The following DLGAP2 variants were observed in gnomAD, a reference collection of about 807,000 sequenced individuals.
The protein encoded by DLGAP2 is disks large-associated protein 2.
In DLGAP2, 26 loss-of-function variants were observed where a neutral mutation model predicts 100.3. The ratio of observed to expected loss-of-function variants is 0.26; its 90% confidence interval spans 0.19 to 0.36. DLGAP2 has a LOEUF of 0.36. Ranked by LOEUF, DLGAP2 falls within the 10% of genes least tolerant of loss-of-function variation. The probability of loss-of-function intolerance (pLI) is 1.00; values close to 1 mark genes in which losing one functional copy is unlikely to be tolerated. For synonymous variants in DLGAP2, 886 were observed against 630.1 expected (o/e 1.41, Z -6.08); for missense variants, 1,858 against 1,453.2 (o/e 1.28, Z -4.53).
intron 3 of DLGAP2, among the ~76,000 whole-genome samples, chr8:1,340,245 TTAAAC>T (rs1446192759): frequency 1.3e-5 from 2 of 152,166 alleles, no homozygotes; most frequent in African/African-American, 4.8e-5. Context: ...TGGGATTTAA[TTAAAC>T]TAAGGAGCTT....
At chr8:1,614,631 C>G (rs1053929520) in intron 6 of DLGAP2, among the ~76,000 whole-genome samples, 3 of 152,230 alleles carry the variant, frequency 2.0e-5, no homozygotes, top group African/African-American at 7.2e-5. Context: ...CAGCCTCTGC[C>G]TCTGCAGTGC....
intron 2 of DLGAP2, among the ~76,000 whole-genome samples, chr8:1,103,055 C>T (rs2129044091): frequency 6.6e-6 from 1 of 151,654 alleles, no homozygotes; most frequent in South Asian, 2.1e-4. Flanking sequence ...TCTGGAGTCT[C>T]TGTGGTTTTC....
intron 5 of DLGAP2, among the ~76,000 whole-genome samples, chr8:1,553,898 A>T (rs1801867488): frequency 2.6e-5 from 4 of 152,230 alleles, no homozygotes; most frequent in Admixed American, 2.6e-4. Context: ...CCAGGTCAAC[A>T]GGTCATCCTT....
chr8:1,570,334 C>G (rs972032172), intron 6 of DLGAP2, among the ~76,000 whole-genome samples: 3 of 152,274 alleles, frequency 2.0e-5, no homozygotes, highest in African/African-American at 7.2e-5. Context: ...GATGTCGTCT[C>G]TGCATCCTGT....
chr8:1,332,469 A>ATG (rs1162010184), intron 3 of DLGAP2, among the ~76,000 whole-genome samples: 1 of 151,842 alleles, frequency 6.6e-6, no homozygotes, highest in African/African-American at 2.4e-5. Flanking sequence ...GAGTATATGC[A>ATG]TGTGTGTGTG....
At chr8:1,371,585 T>C (rs1460282121) in intron 3 of DLGAP2, among the ~76,000 whole-genome samples, 1 of 152,238 alleles carries the variant, frequency 6.6e-6, no homozygotes, top group Non-Finnish European at 1.5e-5. Flanking sequence ...CGTGACTTGA[T>C]TGGAAAAGAA....
At chr8:898,409 C>T (rs543950393) in intron 1 of DLGAP2, among the ~76,000 whole-genome samples, 3 of 152,306 alleles carry the variant, frequency 2.0e-5, no homozygotes, top group Non-Finnish European at 4.4e-5. Context: ...GGTCATTGGC[C>T]GGGGCAGCGA....
At chr8:1,388,445 G>C (rs562086404) in intron 3 of DLGAP2, among the ~76,000 whole-genome samples, 30 of 71,750 alleles carry the variant, frequency 4.2e-4, no homozygotes, top group Non-Finnish European at 1.0e-4. Context: ...TCAGGGCTGT[G>C]AGAGGCAGAT....
At chr8:741,418 A>T (rs574082616) in intron 1 of DLGAP2, among the ~76,000 whole-genome samples, 1 of 152,164 alleles carries the variant, frequency 6.6e-6, no homozygotes, top group African/African-American at 2.4e-5. Flanking sequence ...TCATCTGCCT[A>T]TGAAAATCTT....
At position 885,336 on chromosome 8, in the gene DLGAP2, C is replaced by T. The variant is rs1255476407; in HGVS notation, c.19-22576C>T. Among the ~76,000 whole-genome samples, 3 of 152,220 alleles carry T rather than the reference C, an allele frequency of 2.0e-5. 1 individual carries two copies. The highest frequency in any genetic ancestry group is 6.5e-5 in the Admixed American group (1 of 15,294). Reference sequence around the variant, plus strand: ...TTAAGTACTTCTCCTTGAAGAGGTCCTTCACATCCCTTGTTAGCTGTATTC... The same window carrying T: ...TTAAGTACTTCTCCTTGAAGAGGTCTTTCACATCCCTTGTTAGCTGTATTC... On this transcript the variant is annotated intron_variant, in intron 1 of 14. Coordinates refer to ENST00000637795, the MANE Select transcript of DLGAP2 (RefSeq NM_001346810.2).
intron 6 of DLGAP2, among the ~76,000 whole-genome samples, chr8:1,591,820 T>C (rs4305923): frequency 0.34 from 52,197 of 151,976 alleles, 9,042 homozygotes; most frequent in East Asian, 0.51. Context: ...GCCCTTCACG[T>C]TTGTGGATTC....
chr8:1,455,874 G>T (rs1199024338), intron 3 of DLGAP2, among the ~76,000 whole-genome samples: 6 of 152,220 alleles, frequency 3.9e-5, no homozygotes, highest in Admixed American at 6.5e-5. Flanking sequence ...CGGTCGGTCT[G>T]TCTTGTTCAC....
At chr8:1,163,433 G>A (rs896246670) in intron 2 of DLGAP2, among the ~76,000 whole-genome samples, 1 of 152,220 alleles carries the variant, frequency 6.6e-6, no homozygotes, top group African/African-American at 2.4e-5. Context: ...GCCTGTGTCC[G>A]ATGCTCTGGG....
At chr8:1,461,091 T>C (rs963623609) in intron 3 of DLGAP2, among the ~76,000 whole-genome samples, 2 of 149,842 alleles carry the variant, frequency 1.3e-5, no homozygotes, top group Non-Finnish European at 3.0e-5. Flanking sequence ...TGGGAGAAGG[T>C]GCTGCTGTCA....
intron 4 of DLGAP2, among the ~76,000 whole-genome samples, chr8:1,532,625 C>T (rs957862168): frequency 6.6e-6 from 1 of 152,148 alleles, no homozygotes; most frequent in East Asian, 1.9e-4. Context: ...GCATCCTAAT[C>T]ATAACAGTAT....
rs573438972 is a variant in DLGAP2, at chr8:1,534,867, C to T, written c.173-13759C>T. 6.1e-4 allele frequency among the ~76,000 whole-genome samples: 93 copies of T among 152,320 alleles called. 1 individual carries two copies. In the South Asian group the frequency reaches 0.011, roughly 18 times the overall value. On this transcript the variant is annotated intron_variant, in intron 4 of 14. Coordinates refer to ENST00000637795, the MANE Select transcript of DLGAP2 (RefSeq NM_001346810.2). ...CGTGTGTGTGAAATCAGACTTTGCA[C>T]GACCCACTCTGGAACACATTATAAG...
chr8:1,171,423 G>A (rs530168764), intron 2 of DLGAP2, among the ~76,000 whole-genome samples: 18 of 152,156 alleles, frequency 1.2e-4, no homozygotes, highest in African/African-American at 3.4e-4. Flanking sequence ...GCTGAGTTCA[G>A]TTCCTGGGTA....
Position 766,721 on chromosome 8 carries a change from A to G in DLGAP2, c.18+28896A>G, listed in dbSNP as rs558288564. On this transcript the variant is annotated intron_variant, in intron 1 of 14. Transcript: ENST00000637795. ...TGAAAAGCAGCTTTTGTTTTACCAG[A>G]GTCAATCACCAAAGAACTAAGCTGT... Among the ~76,000 whole-genome samples the G allele has an allele frequency of 5.6e-4, 86 of 152,270 alleles. 1 individual carries two copies. The highest frequency in any genetic ancestry group is 7.4e-5 in the Non-Finnish European group (5 of 68,020).
intron 2 of DLGAP2, among the ~76,000 whole-genome samples, chr8:1,173,141 G>A (rs1251800817): frequency 6.6e-6 from 1 of 152,218 alleles, no homozygotes; most frequent in African/African-American, 2.4e-5. Context: ...TTTGCTAGAG[G>A]TCCACTCCAG....
Sources: allele counts gnomAD v4.1 joint callset (sites outside exome capture counted in the v4.1 genomes callset), GRCh38; gene constraint gnomAD v4.1.1; transcripts MANE v1.5; gene names NCBI Gene and HGNC (gene_info 2026-07-23, HGNC 2026-07-21).